NLGN1: variants seen among roughly 807,000 people sequenced by gnomAD.
NLGN1 encodes the protein neuroligin 1.
NLGN1 carries 12 observed loss-of-function variants against 65.5 expected under a neutral mutation model. The ratio of observed to expected loss-of-function variants is 0.18; its 90% CI spans 0.12 to 0.30. The LOEUF is 0.30. Among genes scored for constraint, NLGN1 ranks in the 10% least tolerant of loss-of-function variants. The pLI is 1.00. For missense variants in NLGN1, 750 were observed against 1,007.1 expected, an observed-to-expected ratio of 0.74 and a Z score of 3.46; for synonymous variants, 350 against 359.5, an observed-to-expected ratio of 0.97 and a Z score of 0.30.
intron 2 of NLGN1, among the ~76,000 whole-genome samples, chr3:173,495,828 C>T (rs898244320): frequency 6.6e-6 from 1 of 151,520 alleles, no homozygotes; most frequent in African/African-American, 2.4e-5. Flanking sequence ...TCACCCTATC[C>T]CAGTCTCTGC....
intron 2 of NLGN1, among the ~76,000 whole-genome samples, chr3:173,595,912 T>G (rs1749399386): frequency 1.3e-5 from 2 of 152,188 alleles, no homozygotes; most frequent in Admixed American, 6.5e-5. Flanking sequence ...TCAAATTATC[T>G]CCCACTGGGT....
intron 4 of NLGN1, among the ~76,000 whole-genome samples, chr3:174,017,749 G>A (rs1363707934): frequency 1.3e-5 from 2 of 152,096 alleles, no homozygotes; most frequent in African/African-American, 4.8e-5. Flanking sequence ...TACAAATAGG[G>A]TGTGGGTCAC....
intron 4 of NLGN1, among the ~76,000 whole-genome samples, chr3:174,245,746 A>G (rs1312565916): frequency 6.6e-6 from 1 of 152,196 alleles, no homozygotes; most frequent in Non-Finnish European, 1.5e-5. Context: ...AGGTCTCTGT[A>G]ATAACAAATT....
Position 174,256,866 on chromosome 3 carries a change from C to T in NLGN1, c.647-18449C>T, listed in dbSNP as rs145629632. ...ATAGGCACAGGCAAAGATTTCATGA[C>T]GAAGACACCAAAAGCAATTACTAAA... On this transcript the variant is annotated intron_variant, in intron 4 of 6. Coordinates refer to ENST00000457714, the Ensembl canonical transcript of NLGN1. Among the ~76,000 whole-genome samples the T allele has an allele frequency of 8.2e-4, 124 of 152,086 alleles. 1 individual carries two copies. The East Asian group carries it at 0.019, about 23-fold the overall frequency.
intron 4 of NLGN1, among the ~76,000 whole-genome samples, chr3:174,029,075 G>C (rs1420105261): frequency 6.6e-6 from 1 of 152,208 alleles, no homozygotes; most frequent in Non-Finnish European, 1.5e-5. Flanking sequence ...TGTGGGGTTA[G>C]AGCCCCCATA....
intron 4 of NLGN1, among the ~76,000 whole-genome samples, chr3:174,060,494 C>T (rs2152517376): frequency 6.6e-6 from 1 of 152,202 alleles, no homozygotes; most frequent in South Asian, 2.1e-4. Context: ...CAAAACTTTT[C>T]CCTTTCTTTG....
At chr3:174,136,931 G>A (rs1456731363) in intron 4 of NLGN1, among the ~76,000 whole-genome samples, 1 of 152,080 alleles carries the variant, frequency 6.6e-6, no homozygotes, top group Non-Finnish European at 1.5e-5. Context: ...ACCGTAAATG[G>A]AAAGTGCATT....
intron 3 of NLGN1, among the ~76,000 whole-genome samples, chr3:173,751,851 A>T (rs1010508704): frequency 6.6e-5 from 10 of 152,108 alleles, no homozygotes; most frequent in Non-Finnish European, 1.0e-4. Context: ...AGTTAAGTTT[A>T]CTTTTCCTAT....
At chr3:173,424,656 A>G (rs1259036384) in intron 1 of NLGN1, among the ~76,000 whole-genome samples, 2 of 152,214 alleles carry the variant, frequency 1.3e-5, no homozygotes, top group African/African-American at 2.4e-5. Flanking sequence ...GCTAAAGCAT[A>G]GCATGAGTGA....
chr3:173,637,304 G>A (rs998925971), intron 3 of NLGN1, among the ~76,000 whole-genome samples: 1 of 151,998 alleles, frequency 6.6e-6, no homozygotes, highest in Non-Finnish European at 1.5e-5. Context: ...GAATAATTTC[G>A]TTGCTCCTTG....
intron 3 of NLGN1, among the ~76,000 whole-genome samples, chr3:173,758,523 A>G (rs148709556): frequency 0.012 from 1,778 of 152,074 alleles, 11 homozygotes; most frequent in Non-Finnish European, 0.017. Flanking sequence ...CTGCTAATAT[A>G]TTATCTACAG....
At chr3:173,552,769 G>T (rs934781399) in intron 2 of NLGN1, among the ~76,000 whole-genome samples, 1 of 152,138 alleles carries the variant, frequency 6.6e-6, no homozygotes, top group African/African-American at 2.4e-5. Context: ...TTGCCAGGGA[G>T]CCCTTCCCAC....
chr3:174,026,386 A>G (rs954019331), intron 4 of NLGN1, among the ~76,000 whole-genome samples: 6 of 152,182 alleles, frequency 3.9e-5, no homozygotes, highest in African/African-American at 1.4e-4. Flanking sequence ...TTGGCCTCCC[A>G]AAGTTTTGGG....
chr3:173,494,711 G>T (rs1356800017), intron 2 of NLGN1, among the ~76,000 whole-genome samples: 1 of 151,742 alleles, frequency 6.6e-6, no homozygotes, highest in Non-Finnish European at 1.5e-5. Flanking sequence ...TGCATGATTT[G>T]AGGTAGTGGC....
intron 2 of NLGN1, among the ~76,000 whole-genome samples, chr3:173,492,801 G>T (rs1729399757): frequency 6.6e-6 from 1 of 151,772 alleles, no homozygotes; most frequent in Non-Finnish European, 1.5e-5. Flanking sequence ...TACATTATTT[G>T]CACTGAATTA....
At chr3:173,881,639 G>A (rs2150930051) in intron 4 of NLGN1, among the ~76,000 whole-genome samples, 1 of 151,342 alleles carries the variant, frequency 6.6e-6, no homozygotes, top group East Asian at 2.0e-4. Context: ...TTGTAGCCAG[G>A]ATGGTCTCGA....
intron 3 of NLGN1, among the ~76,000 whole-genome samples, chr3:173,641,659 G>A (rs149273554): frequency 6.6e-6 from 1 of 152,220 alleles, no homozygotes; most frequent in African/African-American, 2.4e-5. Flanking sequence ...TGAAATTAAG[G>A]CATTTCCTAA....
chr3:173,399,071 A>T (rs2148593916), intron 1 of NLGN1, among the ~76,000 whole-genome samples: 1 of 152,348 alleles, frequency 6.6e-6, no homozygotes, highest in South Asian at 2.1e-4. Flanking sequence ...TCATATATTT[A>T]AAATATTAAA....
rs146670983 is a variant in NLGN1 at position 174,045,530 on chromosome 3, G to A, written c.647-229785G>A. On this transcript the variant is annotated intron_variant, in intron 4 of 6. Transcript: ENST00000457714. The stretch of plus-strand genomic sequence containing the variant: ...GATTACAATCCAAGATGAGATTTGG[G>A]TGGAGATACAGAGCCAGACTATATT... 6.2e-3 allele frequency among the ~76,000 whole-genome samples: 950 copies of A among 152,196 alleles called. 21 individuals are homozygous for A. The highest frequency in any genetic ancestry group is 0.038 in the East Asian group (198 of 5,148).
Sources: gnomAD v4.1 joint callset for allele counts (sites outside exome capture counted in the v4.1 genomes callset) on GRCh38, gnomAD v4.1.1 for gene constraint, MANE v1.5 for transcripts, NCBI Gene and HGNC (gene_info 2026-07-23, HGNC 2026-07-21) for gene names.